PDE4B: variants seen among roughly 807,000 people sequenced by gnomAD.
The protein encoded by PDE4B is 3',5'-cyclic-AMP phosphodiesterase 4B.
In PDE4B, 20 loss-of-function variants were observed where a neutral mutation model predicts 82.2. The ratio of observed to expected loss-of-function variants is 0.24; its 90% CI spans 0.17 to 0.35. The LOEUF (loss-of-function observed/expected upper bound fraction) is 0.35. PDE4B is among the 10% of genes least tolerant of loss of function. PDE4B has a pLI of 1.00. For synonymous variants in PDE4B, 320 were observed against 318.9 expected (o/e 1.00, Z -0.04); for missense variants, 655 against 907.2 (o/e 0.72, Z 3.57).
intron 13 of PDE4B, among the ~76,000 whole-genome samples, chr1:66,366,341 G>A (rs1382816316): frequency 6.6e-6 from 1 of 152,138 alleles, no homozygotes; most frequent in African/African-American, 2.4e-5. Context: ...GACCAGGGGT[G>A]GTCTAGCCTT....
chr1:66,175,401 A>T (rs754597787), intron 3 of PDE4B, among the ~76,000 whole-genome samples: 13 of 152,180 alleles, frequency 8.5e-5, no homozygotes, highest in Non-Finnish European at 1.8e-4. Context: ...CATTGCTTTA[A>T]TTATCTAAGC....
At chr1:66,027,884 C>A (rs1396386683) in intron 3 of PDE4B, among the ~76,000 whole-genome samples, 1 of 152,190 alleles carries the variant, frequency 6.6e-6, no homozygotes, top group Non-Finnish European at 1.5e-5. Flanking sequence ...AGGGTACAGC[C>A]CTCCCTCCTG....
chr1:66,098,207 T>G (rs2101012786), intron 3 of PDE4B, among the ~76,000 whole-genome samples: 1 of 152,272 alleles, frequency 6.6e-6, no homozygotes, highest in African/African-American at 2.4e-5. Flanking sequence ...CTCAGCAGAT[T>G]CTCAGAGCTC....
intron 3 of PDE4B, among the ~76,000 whole-genome samples, chr1:66,172,908 T>C (rs1646864461): frequency 6.6e-6 from 1 of 152,350 alleles, no homozygotes; most frequent in African/African-American, 2.4e-5. Flanking sequence ...CTCATCTTTT[T>C]GGTATGTACT....
intron 16 of PDE4B, 111 bp downstream of exon 16, chr1:66,369,080 G>C: frequency 2.6e-6 from 2 of 760,728 alleles, no homozygotes; most frequent in Non-Finnish European, 4.0e-6. Flanking sequence ...AAACAATAAG[G>C]AGACAACTAC....
At chr1:66,270,918 G>A (rs1022485721) in intron 7 of PDE4B, among the ~76,000 whole-genome samples, 4 of 152,234 alleles carry the variant, frequency 2.6e-5, no homozygotes, top group African/African-American at 9.6e-5. Flanking sequence ...CGCCTTCAGC[G>A]TTTAGACAGC....
intron 1 of PDE4B, among the ~76,000 whole-genome samples, chr1:65,828,364 G>C (rs569883774): frequency 3.7e-4 from 57 of 152,156 alleles, no homozygotes; most frequent in Admixed American, 1.7e-3. Context: ...TCCTGCCTCA[G>C]TCTCTCGAGT....
chr1:66,319,535 C>A (rs1431286958), intron 7 of PDE4B, among the ~76,000 whole-genome samples: 3 of 152,316 alleles, frequency 2.0e-5, no homozygotes, highest in Admixed American at 6.5e-5. Flanking sequence ...GCTACCAGAG[C>A]AATAGCTCAT....
chr1:66,023,381 A>G (rs1653250913), intron 3 of PDE4B, among the ~76,000 whole-genome samples: 1 of 152,212 alleles, frequency 6.6e-6, no homozygotes, highest in Non-Finnish European at 1.5e-5. Flanking sequence ...CAATGTTGGC[A>G]CACTTTGTCT....
At chr1:66,326,175 G>A (rs1659740231) in intron 7 of PDE4B, among the ~76,000 whole-genome samples, 1 of 152,148 alleles carries the variant, frequency 6.6e-6, no homozygotes. Flanking sequence ...TAGAAATTCT[G>A]CTCTTGTTTT....
In PDE4B at chr1:66,283,375, G is replaced by A. The variant is rs947332200; in HGVS notation, c.634+17288G>A. On this transcript the variant is annotated intron_variant, in intron 7 of 16. Coordinates refer to ENST00000341517, the MANE Select transcript of PDE4B (RefSeq NM_002600.4). ...CTATTATATATATATGTGTATATAT[G>A]TATATATATATGTATATATGTATGT... is the stretch of plus-strand genomic sequence containing the variant. 5.2e-4 allele frequency among the ~76,000 whole-genome samples: 78 copies of A among 151,320 alleles called. 1 individual carries two copies. Among genetic ancestry groups the A allele is most frequent in the Non-Finnish European group, 5.3e-4 (36 of 67,862 alleles).
chr1:66,222,302 A>T (rs766201220), intron 3 of PDE4B, among the ~76,000 whole-genome samples: 5 of 152,224 alleles, frequency 3.3e-5, no homozygotes, highest in Non-Finnish European at 4.4e-5. Context: ...ACATGGCTAC[A>T]CTAGTTCAAG....
chr1:66,147,440 A>G (rs1646298514), intron 3 of PDE4B, among the ~76,000 whole-genome samples: 1 of 152,200 alleles, frequency 6.6e-6, no homozygotes, highest in African/African-American at 2.4e-5. Flanking sequence ...ATGTCCCGTG[A>G]TTCATCAACA....
chr1:66,111,026 A>G (rs1332391798), intron 3 of PDE4B, among the ~76,000 whole-genome samples: 1 of 152,122 alleles, frequency 6.6e-6, no homozygotes, highest in Non-Finnish European at 1.5e-5. Flanking sequence ...ACAGATTATC[A>G]TGAGGATTAA....
chr1:66,313,077 C>T (rs1362056438), intron 7 of PDE4B, among the ~76,000 whole-genome samples: 2 of 152,316 alleles, frequency 1.3e-5, no homozygotes, highest in East Asian at 3.9e-4. Context: ...TCATCAATTA[C>T]CATAAAATTA....
At chr1:66,348,078 G>T (rs569462183) in intron 8 of PDE4B, among the ~76,000 whole-genome samples, 1 of 152,278 alleles carries the variant, frequency 6.6e-6, no homozygotes, top group East Asian at 1.9e-4. Context: ...CACAGTAAGT[G>T]TTCTGATTGC....
chr1:65,922,457 A>T (rs566115667), intron 3 of PDE4B, among the ~76,000 whole-genome samples: 14 of 152,310 alleles, frequency 9.2e-5, no homozygotes, highest in African/African-American at 3.4e-4. Context: ...AGGAATTCAG[A>T]TATGAAAGCA....
chr1:65,891,581 T>G (rs1646853950), intron 1 of PDE4B, among the ~76,000 whole-genome samples: 1 of 152,094 alleles, frequency 6.6e-6, no homozygotes, highest in South Asian at 2.1e-4. Flanking sequence ...ATGCGCTTCT[T>G]ATTTTAATTA....
chr1:66,346,776 A>T (rs1007507456), intron 8 of PDE4B, among the ~76,000 whole-genome samples: 3 of 152,210 alleles, frequency 2.0e-5, no homozygotes, highest in Admixed American at 2.0e-4. Context: ...GAAAGGTACC[A>T]TGAGCTCAGA....
Sources: gnomAD v4.1 joint callset for allele counts (sites outside exome capture counted in the v4.1 genomes callset) on GRCh38, gnomAD v4.1.1 for gene constraint, MANE v1.5 for transcripts, NCBI Gene and HGNC (gene_info 2026-07-23, HGNC 2026-07-21) for gene names.